LRRC4C: variants seen among roughly 807,000 people sequenced by gnomAD.
LRRC4C encodes leucine-rich repeat-containing protein 4C.
A neutral mutation model predicts 33.6 loss-of-function variants in LRRC4C; 5 were observed. That is an observed-to-expected ratio of 0.15 (90% CI 0.08 to 0.31). LRRC4C has a LOEUF of 0.31. LRRC4C is among the 10% of genes least tolerant of loss of function. LRRC4C has a pLI of 1.00. For synonymous variants in LRRC4C, 329 were observed against 302.0 expected (o/e 1.09, Z -0.93); for missense variants, 560 against 796.7 (o/e 0.70, Z 3.58).
At chr11:41,117,379 A>G (rs1290167396) in intron 1 of LRRC4C, among the ~76,000 whole-genome samples, 1 of 152,212 alleles carries the variant, frequency 6.6e-6, no homozygotes, top group Non-Finnish European at 1.5e-5. Flanking sequence ...ACAAAATACT[A>G]GACAAGCTTT....
At chr11:40,859,258 C>G (rs1953957027) in intron 2 of LRRC4C, among the ~76,000 whole-genome samples, 1 of 152,064 alleles carries the variant, frequency 6.6e-6, no homozygotes, top group African/African-American at 2.4e-5. Context: ...CTGAGTAACT[C>G]AGAAAGCAAG....
At chr11:40,978,537 C>T (rs1196016027) in intron 1 of LRRC4C, among the ~76,000 whole-genome samples, 1 of 152,020 alleles carries the variant, frequency 6.6e-6, no homozygotes, top group Non-Finnish European at 1.5e-5. Flanking sequence ...CCCTTCACAA[C>T]AAAAGATTAT....
chr11:40,121,218 A>G (rs1855803380), intron 6 of LRRC4C, among the ~76,000 whole-genome samples: 1 of 152,146 alleles, frequency 6.6e-6, no homozygotes, highest in South Asian at 2.1e-4. Context: ...ATATGCATCT[A>G]TTCTTTCTTA....
At chr11:40,587,227 C>T (rs1315160163) in intron 3 of LRRC4C, among the ~76,000 whole-genome samples, 1 of 150,372 alleles carries the variant, frequency 6.7e-6, no homozygotes, top group Non-Finnish European at 1.5e-5. Flanking sequence ...ATTTTATTCT[C>T]TTTGAAGCAA....
At chr11:41,399,756 T>C (rs1353538526) in intron 1 of LRRC4C, among the ~76,000 whole-genome samples, 2 of 151,942 alleles carry the variant, frequency 1.3e-5, no homozygotes, top group African/African-American at 4.8e-5. Context: ...TTTAAGGAGA[T>C]TAGAGAAGCA....
intron 3 of LRRC4C, among the ~76,000 whole-genome samples, chr11:40,494,318 A>G (rs1042291892): frequency 2.0e-5 from 3 of 152,214 alleles, no homozygotes; most frequent in Non-Finnish European, 2.9e-5. Flanking sequence ...TAATTTCTAA[A>G]TATTCTACAA....
intron 3 of LRRC4C, among the ~76,000 whole-genome samples, chr11:40,443,555 A>G (rs1951489926): frequency 6.6e-6 from 1 of 152,070 alleles, no homozygotes; most frequent in Non-Finnish European, 1.5e-5. Context: ...CTCTCCAAGC[A>G]TTTTTCCTCA....
At chr11:40,810,513 G>T (rs1348884335) in intron 2 of LRRC4C, among the ~76,000 whole-genome samples, 1 of 152,088 alleles carries the variant, frequency 6.6e-6, no homozygotes, top group Non-Finnish European at 1.5e-5. Flanking sequence ...TTTCTCTTGA[G>T]GTTAGACTCA....
intron 3 of LRRC4C, among the ~76,000 whole-genome samples, chr11:40,454,466 G>C (rs1183926253): frequency 3.3e-5 from 5 of 151,942 alleles, no homozygotes; most frequent in Non-Finnish European, 7.4e-5. Flanking sequence ...GCTGAGAAGA[G>C]ATATCTGCTC....
chr11:41,102,581 T>C (rs1456276613), intron 1 of LRRC4C, among the ~76,000 whole-genome samples: 2 of 152,096 alleles, frequency 1.3e-5, no homozygotes, highest in African/African-American at 4.8e-5. Flanking sequence ...TAGAGCTATC[T>C]ACTTTGGATT....
At chr11:40,756,525 C>G (rs1948955459) in intron 2 of LRRC4C, among the ~76,000 whole-genome samples, 1 of 152,004 alleles carries the variant, frequency 6.6e-6, no homozygotes, top group Non-Finnish European at 1.5e-5. Flanking sequence ...AGTACACTGC[C>G]TCAATGAAAC....
chr11:41,273,843 G>A (rs909471856), intron 1 of LRRC4C, among the ~76,000 whole-genome samples: 2 of 152,150 alleles, frequency 1.3e-5, no homozygotes, highest in Non-Finnish European at 2.9e-5. Flanking sequence ...GTGAGAATAT[G>A]TCCAAACTCA....
rs537496084 is a variant in LRRC4C, at chr11:40,828,009, G to A, written c.-407+105626C>T. On this transcript the variant is annotated intron_variant, in intron 2 of 6. Transcript: ENST00000528697. ...TTTTAGAGTCTCTTCTACATGGTTA[G>A]AAGTCTAATAATATAGCAGGTTTAT... Among the ~76,000 whole-genome samples, 4 of 151,802 alleles carry A rather than the reference G, an allele frequency of 2.6e-5. No individual in the cohort carries two copies. The South Asian group carries it at 6.2e-4, about 24-fold the overall frequency.
At chr11:40,297,506 T>A (rs1944570500) in intron 4 of LRRC4C, among the ~76,000 whole-genome samples, 1 of 152,194 alleles carries the variant, frequency 6.6e-6, no homozygotes, top group South Asian at 2.1e-4. Flanking sequence ...TGGAACTAGA[T>A]GATATCCTAA....
At chr11:40,508,507 C>T in intron 3 of LRRC4C, among the ~76,000 whole-genome samples, 1 of 152,048 alleles carries the variant, frequency 6.6e-6, no homozygotes, top group Non-Finnish European at 1.5e-5. Context: ...AAAAACCTGC[C>T]TTGTCAGCAT....
At chr11:41,126,180 TTTAAATTAAA>T (rs781646499) in intron 1 of LRRC4C, among the ~76,000 whole-genome samples, 2 of 152,026 alleles carry the variant, frequency 1.3e-5, no homozygotes, top group South Asian at 2.1e-4. Flanking sequence ...ATCCCAGAAA[TTTAAATTAAA>T]TTAAATTAAA....
chr11:41,196,698 T>C (rs752966538), intron 1 of LRRC4C, among the ~76,000 whole-genome samples: 9 of 151,980 alleles, frequency 5.9e-5, no homozygotes, highest in Admixed American at 1.3e-4. Context: ...GATGGACAGA[T>C]AAACGGATGC....
chr11:41,135,249 A>G (rs1448910537), intron 1 of LRRC4C, among the ~76,000 whole-genome samples: 2 of 152,158 alleles, frequency 1.3e-5, no homozygotes, highest in Admixed American at 6.5e-5. Context: ...ATTTCTGCCT[A>G]GACAAGCTTG....
intron 1 of LRRC4C, among the ~76,000 whole-genome samples, chr11:41,326,019 T>C (rs1039975674): frequency 2.0e-5 from 3 of 152,074 alleles, no homozygotes; most frequent in Non-Finnish European, 2.9e-5. Context: ...CTTGATTGAA[T>C]TGAAGGATGC....
Sources: allele counts gnomAD v4.1 joint callset (sites outside exome capture counted in the v4.1 genomes callset), GRCh38; gene constraint gnomAD v4.1.1; transcripts MANE v1.5; gene names NCBI Gene and HGNC (gene_info 2026-07-23, HGNC 2026-07-21).